Variants in NETO1 observed in about 807,000 individuals in gnomAD.
NETO1 encodes neuropilin and tolloid like 1.
Under a neutral mutation model 61.3 loss-of-function variants are expected in NETO1, and 26 were observed. The observed-to-expected ratio is 0.42, with a 90% CI of 0.31 to 0.59. The LOEUF (loss-of-function observed/expected upper bound fraction) is 0.59, where lower values mean the gene tolerates loss of function less well. Ranked by LOEUF, NETO1 falls within the 20% of genes least tolerant of loss-of-function variation. NETO1 has a pLI of 0.12. For synonymous variants in NETO1, 225 were observed against 225.8 expected, an observed-to-expected ratio of 1.00 and a Z score of 0.03; for missense variants, 531 against 662.8, an observed-to-expected ratio of 0.80 and a Z score of 2.18.
intron 4 of NETO1, among the ~76,000 whole-genome samples, chr18:72,794,842 T>C (rs2072257847): frequency 6.6e-6 from 1 of 152,212 alleles, no homozygotes; most frequent in African/African-American, 2.4e-5. Flanking sequence ...TCCTCTTTTC[T>C]GATTCAAAAT....
At chr18:72,803,979 A>T (rs1448472687) in intron 4 of NETO1, among the ~76,000 whole-genome samples, 1 of 152,060 alleles carries the variant, frequency 6.6e-6, no homozygotes, top group African/African-American at 2.4e-5. Flanking sequence ...CTGACACTCG[A>T]TTTGCAAAAA....
intron 6 of NETO1, among the ~76,000 whole-genome samples, chr18:72,791,430 C>T (rs1377928324): frequency 6.6e-6 from 1 of 152,200 alleles, no homozygotes; most frequent in East Asian, 1.9e-4. Flanking sequence ...CAGTAATCTC[C>T]AGTCCGTGCT....
chr18:72,844,601 T>A (rs1457686328), intron 4 of NETO1, among the ~76,000 whole-genome samples: 4 of 152,228 alleles, frequency 2.6e-5, no homozygotes, highest in Admixed American at 6.5e-5. Flanking sequence ...TGAACAGATT[T>A]TTTCGTATCT....
At chr18:72,773,481 T>A (rs975406265) in intron 7 of NETO1, among the ~76,000 whole-genome samples, 1 of 152,154 alleles carries the variant, frequency 6.6e-6, no homozygotes, top group African/African-American at 2.4e-5. Flanking sequence ...AGAGTTGTGA[T>A]ATTGTATGGC....
chr18:72,749,817 TA>T (rs755088378), intron 9 of NETO1, among the ~76,000 whole-genome samples: 52 of 150,004 alleles, frequency 3.5e-4, no homozygotes, highest in Non-Finnish European at 7.6e-4. Flanking sequence ...TAGAAATAAA[TA>T]AAGTATCTTT....
chr18:72,820,748 T>A (rs919672105), intron 4 of NETO1, among the ~76,000 whole-genome samples: 1 of 152,164 alleles, frequency 6.6e-6, no homozygotes, highest in Non-Finnish European at 1.5e-5. Context: ...CACAGAGAAC[T>A]CCTCCTCCCT....
At chr18:72,778,290 TA>T (rs1568192656) in intron 7 of NETO1, among the ~76,000 whole-genome samples, 1 of 152,218 alleles carries the variant, frequency 6.6e-6, no homozygotes, top group African/African-American at 2.4e-5. Flanking sequence ...AATCCACACT[TA>T]TTTTATCAGA....
intron 7 of NETO1, among the ~76,000 whole-genome samples, chr18:72,773,468 C>T (rs773006978): frequency 3.3e-5 from 5 of 152,154 alleles, no homozygotes; most frequent in Non-Finnish European, 7.4e-5. Flanking sequence ...GCGTTCTACA[C>T]CAAGAGTTGT....
chr18:72,786,104 T>C (rs2071906595), intron 6 of NETO1, among the ~76,000 whole-genome samples: 1 of 152,242 alleles, frequency 6.6e-6, no homozygotes, highest in African/African-American at 2.4e-5. Context: ...GAAGTTTCAT[T>C]TTCTTTATTG....
chr18:72,783,948 G>C, intron 6 of NETO1, 42 bp from the exon 7 acceptor site: 3 of 1,367,710 alleles, frequency 2.2e-6, no homozygotes, highest in Non-Finnish European at 3.1e-6. Flanking sequence ...ATCAAAATAT[G>C]AATGTACATC....
At chr18:72,785,598 T>C (rs1321130728) in intron 6 of NETO1, among the ~76,000 whole-genome samples, 1 of 152,232 alleles carries the variant, frequency 6.6e-6, no homozygotes, top group Non-Finnish European at 1.5e-5. Context: ...TGCAGGTTTG[T>C]TACATATGTA....
rs531243976 is a variant in NETO1, at chr18:72,864,728, C to T, written c.220+80G>A. ...CCAGATCAATTTTGTAATGCCTATA[C>T]GCATATTCTTCATCCAAAGCACAGA... On this transcript the variant is annotated intron_variant, in intron 3 of 10. Transcript: ENST00000327305. 1,043 of 1,563,586 alleles carry T rather than the reference C, an allele frequency of 6.7e-4. 7 individuals carry two copies. The South Asian group carries it at 0.011, about 16-fold the overall frequency.
intron 4 of NETO1, among the ~76,000 whole-genome samples, chr18:72,832,281 T>G (rs1351146676): frequency 6.6e-6 from 1 of 152,172 alleles, no homozygotes; most frequent in Non-Finnish European, 1.5e-5. Context: ...ACAACAGCAC[T>G]CTAAAAAATT....
intron 4 of NETO1, among the ~76,000 whole-genome samples, chr18:72,819,711 C>T (rs1244142093): frequency 6.6e-6 from 1 of 151,844 alleles, no homozygotes; most frequent in Non-Finnish European, 1.5e-5. Flanking sequence ...CTAAAATTTC[C>T]ACCTAGTAAG....
chr18:72,746,464 C>G lies in NETO1; in HGVS notation c.*1715G>C, dbSNP rs115816482. 1.3e-5 allele frequency among the ~76,000 whole-genome samples: 2 copies of G among 151,976 alleles called. No homozygotes were observed. The highest frequency in any genetic ancestry group is 2.4e-5 in the African/African-American group (1 of 41,398). ...GTCATGTTCAAAACCTTTTCTGATT[C>G]CCTAGTTTATCAAATTCATTGAAGT... On this transcript the variant is annotated 3_prime_UTR_variant, in exon 11 of 11. Coordinates refer to ENST00000327305, the MANE Select transcript of NETO1 (RefSeq NM_138966.5).
rs533586215 is a variant in NETO1, at chr18:72,852,106, C to T, written c.469+6720G>A. 1.4e-4 allele frequency among the ~76,000 whole-genome samples: 21 copies of T among 152,266 alleles called. 1 individual carries two copies. The highest frequency in any genetic ancestry group is 4.3e-4 in the African/African-American group (18 of 41,542). Reference sequence around the variant, plus strand: ...GATGTACTCTATTTAAAACATAGTCCGGCGATTAGCCGATAAATAAATATA... The same window carrying T: ...GATGTACTCTATTTAAAACATAGTCTGGCGATTAGCCGATAAATAAATATA... On this transcript the variant is annotated intron_variant, in intron 4 of 10. Transcript: ENST00000327305.
chr18:72,762,414 G>C (rs1170812970), intron 7 of NETO1, among the ~76,000 whole-genome samples: 1 of 151,928 alleles, frequency 6.6e-6, no homozygotes, highest in Non-Finnish European at 1.5e-5. Flanking sequence ...CCAAAATGTT[G>C]GCAGTGATGA....
chr18:72,824,276 C>T (rs766881816), intron 4 of NETO1, among the ~76,000 whole-genome samples: 5 of 152,138 alleles, frequency 3.3e-5, no homozygotes, highest in Non-Finnish European at 7.4e-5. Context: ...AAATCTTTTG[C>T]TGGAATTTGG....
At chr18:72,836,601 A>G (rs1298785215) in intron 4 of NETO1, among the ~76,000 whole-genome samples, 1 of 152,230 alleles carries the variant, frequency 6.6e-6, no homozygotes, top group African/African-American at 2.4e-5. Flanking sequence ...AGGACATCAC[A>G]GGCAGGATAA....
Sources: gnomAD v4.1 joint callset for allele counts (sites outside exome capture counted in the v4.1 genomes callset) on GRCh38, gnomAD v4.1.1 for gene constraint, MANE v1.5 for transcripts, NCBI Gene and HGNC (gene_info 2026-07-23, HGNC 2026-07-21) for gene names.